Variants in FLT1 observed in about 807,000 individuals in gnomAD.
FLT1 encodes the protein fms related receptor tyrosine kinase 1, also known as vascular endothelial growth factor receptor 1.
FLT1 carries 49 observed loss-of-function variants against 156.3 expected under a neutral mutation model. The observed-to-expected ratio is 0.31, with a 90% confidence interval of 0.25 to 0.40. FLT1 has a LOEUF of 0.40. Among genes scored for constraint, FLT1 ranks in the 10% least tolerant of loss-of-function variants. The probability of loss-of-function intolerance (pLI) is 1.00; values close to 1 mark genes in which losing one functional copy is unlikely to be tolerated. For missense variants in FLT1, 1,322 were observed against 1,637.2 expected, an observed-to-expected ratio of 0.81 and a Z score of 3.32; for synonymous variants, 594 against 583.8, an observed-to-expected ratio of 1.02 and a Z score of -0.25.
chr13:28,410,211 C>T (rs1478022824), intron 10 of FLT1, among the ~76,000 whole-genome samples: 1 of 152,212 alleles, frequency 6.6e-6, no homozygotes, highest in East Asian at 1.9e-4. Flanking sequence ...TCCCCTCCCC[C>T]TACTTAAAGC....
chr13:28,368,659 C>A, intron 14 of FLT1: 5 of 895,668 alleles, frequency 5.6e-6, no homozygotes, highest in Non-Finnish European at 9.1e-6. Context: ...TTGATGTATA[C>A]AGTTCTAGGT....
chr13:28,390,040 C>T lies in FLT1; in HGVS notation c.1725G>A (p.Leu575=). The change falls in exon 13 of 30, where the codon CTG becomes CTA. Residue 575 remains leucine, a synonymous_variant. Coordinates refer to ENST00000282397, the MANE Select transcript of FLT1 (RefSeq NM_002019.4). ...ATAAGAACTTGTTAACTGTGCAAGA[C>T]AGTTTCAGGTCCTCTCCTTCCGTCG... ...KMPTEGEDLK[L]SCTVNKFLYR... 1.2e-6 allele frequency: 2 copies of T among 1,614,208 alleles called. No homozygotes were observed. The highest frequency in any genetic ancestry group is 1.7e-6 in the Non-Finnish European group (2 of 1,180,034).
At chr13:28,306,110 G>A (rs907730412) in intron 29 of FLT1, among the ~76,000 whole-genome samples, 1 of 152,218 alleles carries the variant, frequency 6.6e-6, no homozygotes, top group Non-Finnish European at 1.5e-5. Flanking sequence ...GCATTCGGTG[G>A]TGCATAAGGC....
chr13:28,447,483 G>A (rs1878688326), intron 3 of FLT1, among the ~76,000 whole-genome samples: 1 of 151,866 alleles, frequency 6.6e-6, no homozygotes, highest in Non-Finnish European at 1.5e-5. Context: ...CACCACACCT[G>A]GCCTAATACA....
intron 14 of FLT1, among the ~76,000 whole-genome samples, chr13:28,366,422 C>T (rs1050490698): frequency 6.6e-6 from 1 of 152,010 alleles, no homozygotes; most frequent in Non-Finnish European, 1.5e-5. Context: ...GCCTGGTTAA[C>T]ATTTGCTTGT....
At chr13:28,494,677 A>T in intron 1 of FLT1, 103 bp downstream of exon 1, 2 of 875,576 alleles carry the variant, frequency 2.3e-6, no homozygotes, top group South Asian at 1.5e-5. Flanking sequence ...TCCGGGCTAC[A>T]GCCTCGTCTC....
chr13:28,412,806 G>C (rs1408322719), intron 10 of FLT1, among the ~76,000 whole-genome samples: 3 of 144,760 alleles, frequency 2.1e-5, no homozygotes, highest in African/African-American at 7.9e-5. Context: ...GCGCGATCTC[G>C]GCTCACTGCA....
At chr13:28,454,456 G>A (rs1212569416) in intron 3 of FLT1, among the ~76,000 whole-genome samples, 1 of 152,194 alleles carries the variant, frequency 6.6e-6, no homozygotes, top group Non-Finnish European at 1.5e-5. Context: ...TTGATTATGG[G>A]AGGTGGTTAT....
intron 3 of FLT1, among the ~76,000 whole-genome samples, chr13:28,459,770 G>T (rs1018853130): frequency 2.0e-5 from 3 of 152,202 alleles, no homozygotes; most frequent in African/African-American, 7.2e-5. Context: ...TCTCTTTAAA[G>T]TTTCTCTCAT....
chr13:28,339,450 TCA>T, intron 16 of FLT1, 150 bp from the exon 17 acceptor site: 1 of 740,144 alleles, frequency 1.4e-6, no homozygotes, highest in Non-Finnish European at 2.2e-6. Flanking sequence ...TCACATACAC[TCA>T]TCACACTTAG....
chr13:28,386,405 T>A (rs1874367036), intron 13 of FLT1: 3 of 1,031,738 alleles, frequency 2.9e-6, no homozygotes, highest in South Asian at 4.6e-5. Flanking sequence ...TCTCAATAAA[T>A]TTTGATTTCT....
At chr13:28,457,967 C>T (rs1166187738) in intron 3 of FLT1, among the ~76,000 whole-genome samples, 1 of 115,122 alleles carries the variant, frequency 8.7e-6, no homozygotes, top group Non-Finnish European at 1.6e-5. Flanking sequence ...TGGAGTCTTG[C>T]TCTATCGCCC....
intron 14 of FLT1, among the ~76,000 whole-genome samples, chr13:28,383,832 A>G (rs1874193753): frequency 2.0e-5 from 3 of 152,158 alleles, no homozygotes; most frequent in Admixed American, 2.0e-4. Context: ...ACTGTCTCAA[A>G]AAACAAACAA....
At chr13:28,347,481 A>T (rs910122256) in intron 15 of FLT1, among the ~76,000 whole-genome samples, 5 of 152,016 alleles carry the variant, frequency 3.3e-5, no homozygotes, top group African/African-American at 1.2e-4. Flanking sequence ...AGATCGCACC[A>T]CTGCACTCCA....
intron 10 of FLT1, among the ~76,000 whole-genome samples, chr13:28,425,176 T>C (rs1877267992): frequency 6.6e-6 from 1 of 152,230 alleles, no homozygotes; most frequent in South Asian, 2.1e-4. Flanking sequence ...GCTGTCATTC[T>C]TGTACATCAA....
intron 24 of FLT1, 22 bp downstream of exon 24, chr13:28,319,401 T>C (rs1321731550): frequency 6.8e-7 from 1 of 1,479,528 alleles, no homozygotes. Context: ...GCTGTTTGAT[T>C]TCTTCCTTCT....
At chr13:28,441,231 C>T (rs533301108) in intron 3 of FLT1, among the ~76,000 whole-genome samples, 15 of 152,306 alleles carry the variant, frequency 9.8e-5, no homozygotes, top group East Asian at 3.9e-4. Flanking sequence ...AAACACAGTG[C>T]GCATGTGGCT....
intron 15 of FLT1, among the ~76,000 whole-genome samples, chr13:28,348,684 C>T (rs543924390): frequency 3.3e-5 from 5 of 152,210 alleles, no homozygotes; most frequent in South Asian, 2.1e-4. Flanking sequence ...CCGAGGTAGG[C>T]GGATCATGAG....
chr13:28,325,849 A>C (rs1026217792), intron 20 of FLT1, among the ~76,000 whole-genome samples: 3 of 141,446 alleles, frequency 2.1e-5, no homozygotes, highest in Admixed American at 2.1e-4. Flanking sequence ...GGTTCTTATT[A>C]TTAGAGGACC....
Sources: allele counts gnomAD v4.1 joint callset (sites outside exome capture counted in the v4.1 genomes callset), GRCh38; gene constraint gnomAD v4.1.1; transcripts MANE v1.5; gene names NCBI Gene and HGNC (gene_info 2026-07-23, HGNC 2026-07-21).